RET: variants seen among roughly 807,000 people sequenced by gnomAD.
The protein encoded by RET is proto-oncogene tyrosine-protein kinase receptor Ret.
A neutral mutation model predicts 118.3 loss-of-function variants in RET; 19 were observed. The observed-to-expected ratio is 0.16, with a 90% CI of 0.11 to 0.24. The LOEUF is 0.24. Among genes scored for constraint, RET ranks in the 10% least tolerant of loss-of-function variants. The pLI, the probability that RET is intolerant of heterozygous loss-of-function variation, is 1.00. For synonymous variants in RET, 597 were observed against 644.1 expected (o/e 0.93, Z 1.11); for missense variants, 1,219 against 1,502.1 (o/e 0.81, Z 3.12).
At chr10:43,116,418 G>C (rs529847759) in intron 11 of RET, among the ~76,000 whole-genome samples, 166 bp from the exon 12 acceptor site, 9 of 152,196 alleles carry the variant, frequency 5.9e-5, no homozygotes, top group African/African-American at 2.2e-4. Context: ...GTGGGGTCCT[G>C]CCCAGGGCAG....
At chr10:43,103,637 G>C (rs1837691672) in intron 3 of RET, among the ~76,000 whole-genome samples, 1 of 152,182 alleles carries the variant, frequency 6.6e-6, no homozygotes. Flanking sequence ...TAAAATCTCA[G>C]TAAAGGAAGA....
chr10:43,123,413 C>G (rs763114046), intron 16 of RET, among the ~76,000 whole-genome samples: 1 of 152,178 alleles, frequency 6.6e-6, no homozygotes, highest in Non-Finnish European at 1.5e-5. Flanking sequence ...GTCCCTTGTG[C>G]GTGTGGCTGC....
At chr10:43,122,882 T>G (rs916496863) in intron 16 of RET, among the ~76,000 whole-genome samples, 4 of 152,228 alleles carry the variant, frequency 2.6e-5, no homozygotes, top group African/African-American at 4.8e-5. Flanking sequence ...AGTGCTGGGA[T>G]TACAGGCGAG....
In RET at chr10:43,129,005, CA is replaced by C; in HGVS notation, c.*737del. On this transcript the variant is annotated 3_prime_UTR_variant, in exon 20 of 20. Transcript: ENST00000355710. ...GTATCAGGGAAGAGGGCTCACAAGA[CA>C]CATTTGTCCCCCGGGCCCACCACAT... 1 of 236,250 alleles carries C rather than the reference CA, an allele frequency of 4.2e-6. No individual in the cohort carries two copies. 14.6% of individuals were successfully genotyped at this position (236,250 alleles called of 1,614,324 possible). A position where few individuals can be genotyped will look rare whatever the true frequency, so the allele number is the denominator to read the frequency against.
chr10:43,112,293 C>T, intron 8 of RET, 69 bp downstream of exon 8: 2 of 1,475,964 alleles, frequency 1.4e-6, no homozygotes, highest in Non-Finnish European at 9.0e-7. Context: ...GGTCCTGGGG[C>T]CCTGCCAGCC....
Position 43,128,103 on chromosome 10 carries a change from C to T in RET, c.3188-9C>T, listed in dbSNP as rs551159582. 2.2e-4 allele frequency: 360 copies of T among 1,614,090 alleles called. 4 individuals carry two copies. The South Asian group carries it at 3.6e-3, about 16-fold the overall frequency. ...CAGTGCAGAACAAATGATCTGTTTT[C>T]ATTTTTAGGCATGTCAGACCCGAAC... On this transcript the variant is annotated splice_polypyrimidine_tract_variant and intron_variant, in intron 19 of 19. Coordinates refer to ENST00000355710, the MANE Select transcript of RET (RefSeq NM_020975.6).
intron 15 of RET, among the ~76,000 whole-genome samples, chr10:43,120,449 G>A (rs1838189912): frequency 6.6e-6 from 1 of 152,222 alleles, no homozygotes; most frequent in African/African-American, 2.4e-5. Context: ...ATACTGACCC[G>A]AGGCCCTTGC....
chr10:43,093,216 G>A (rs1837445977), intron 1 of RET, among the ~76,000 whole-genome samples: 1 of 152,132 alleles, frequency 6.6e-6, no homozygotes, highest in African/African-American at 2.4e-5. Context: ...TTAACACAGG[G>A]CTCCACAGAG....
chr10:43,077,331 G>C lies in RET; in HGVS notation c.73G>C (p.Val25Leu). Reference sequence around the variant, plus strand: ...GCTGCTGCTGCCGCTGCTAGGCAAAGGTGAGTTCTGCCGGCCGCCGGCTCC... The same window carrying C: ...GCTGCTGCTGCCGCTGCTAGGCAAACGTGAGTTCTGCCGGCCGCCGGCTCC... Reference protein sequence around the residue: ...LLLLLPLLGKVALGLYFSRDA... With the variant: ...LLLLLPLLGKLALGLYFSRDA... Residue 25 changes from valine (V) to leucine (L), a missense_variant and splice_region_variant, in exon 1 of 20, where the codon GTG (valine) becomes CTG (leucine). Around this residue, in one of 5 missense-constraint regions of RET, gnomAD observed 38 missense variants for 33.1 expected, o/e 1.15. Coordinates refer to ENST00000355710, the MANE Select transcript of RET (RefSeq NM_020975.6). The C allele has an allele frequency of 6.6e-7, 1 of 1,509,676 alleles. No individual in the cohort carries two copies. Among genetic ancestry groups the C allele is most frequent in the Non-Finnish European group, 8.8e-7 (1 of 1,134,502 alleles). The allele number at this position is 1,509,676 out of a possible 1,614,324, so 93.5% of individuals were successfully genotyped here. A position where few individuals can be genotyped will look rare whatever the true frequency, so the allele number is the denominator to read the frequency against.
At chr10:43,115,615 G>A (rs1035211533) in intron 11 of RET, among the ~76,000 whole-genome samples, 3 of 152,240 alleles carry the variant, frequency 2.0e-5, no homozygotes, top group African/African-American at 7.2e-5. Flanking sequence ...GTGGGTTTGT[G>A]TGAGGCTGCC....
chr10:43,101,143 C>G (rs1202945741), intron 2 of RET, among the ~76,000 whole-genome samples: 1 of 152,176 alleles, frequency 6.6e-6, no homozygotes, highest in East Asian at 1.9e-4. Flanking sequence ...AGCTGGCTGC[C>G]CTTGTACCTG....
intron 2 of RET, 156 bp from the exon 3 acceptor site, chr10:43,102,186 A>C: frequency 3.5e-6 from 3 of 849,866 alleles, no homozygotes; most frequent in Non-Finnish European, 5.7e-6. Context: ...AGCAGAGGTA[A>C]GGAGGTGGCA....
intron 18 of RET, among the ~76,000 whole-genome samples, chr10:43,125,840 C>T (rs1838316458): frequency 1.3e-5 from 2 of 152,182 alleles, no homozygotes; most frequent in East Asian, 1.9e-4. Flanking sequence ...ATCACTGTCT[C>T]GCTTGGATGA....
intron 1 of RET, among the ~76,000 whole-genome samples, chr10:43,097,516 A>T (rs550433317): frequency 9.6e-4 from 146 of 152,178 alleles, no homozygotes; most frequent in Non-Finnish European, 1.8e-3. Flanking sequence ...GATAGCCCAG[A>T]CATAGGATGC....
chr10:43,119,685 C>T lies in RET; in HGVS notation c.2547C>T (p.Gly849=), dbSNP rs770674650. The T allele has an allele frequency of 1.1e-5, 18 of 1,613,384 alleles. No individual in the cohort carries two copies. Among genetic ancestry groups the T allele is most frequent in the East Asian group, 4.5e-5 (2 of 44,894 alleles). ...CGGATGAGCGGGCCCTCACCATGGG[C>T]GACCTCATCTCATTTGCCTGGCAGA... ...DHPDERALTM[G]DLISFAWQIS... Residue 849 remains glycine, a synonymous_variant, in exon 14 of 20, where the codon GGC becomes GGT. Coordinates refer to ENST00000355710, the MANE Select transcript of RET (RefSeq NM_020975.6).
chr10:43,094,671 C>A (rs766440347), intron 1 of RET, among the ~76,000 whole-genome samples: 1 of 152,180 alleles, frequency 6.6e-6, no homozygotes, highest in African/African-American at 2.4e-5. Context: ...AGCTGGTGAG[C>A]CCCTGCCTCC....
rs1221096250 is a variant in RET at position 43,105,172 on chromosome 10, G to A, written c.846G>A (p.Val282=). 3 of 1,612,922 alleles carry A rather than the reference G, an allele frequency of 1.9e-6. No individual in the cohort carries two copies. The highest frequency in any genetic ancestry group is 1.7e-4 in the Middle Eastern group (1 of 6,048). ...FPAGVDTASA[V]VEFKRKEDTV... ...CGGGCGTCGACACCGCCAGCGCCGT[G>A]GTGGAGTTCAAGCGGAAGGAGGTGC... The change falls in exon 4 of 20, where the codon GTG becomes GTA. Residue 282 remains valine (V), a synonymous_variant. Transcript: ENST00000355710.
At chr10:43,090,538 G>A (rs1397051137) in intron 1 of RET, among the ~76,000 whole-genome samples, 3 of 152,078 alleles carry the variant, frequency 2.0e-5, no homozygotes, top group Non-Finnish European at 2.9e-5. Flanking sequence ...GGGGGCTCAG[G>A]CACAACCAGG....
rs777349208 is a variant in RET, at chr10:43,118,377, C to G, written c.2289C>G (p.Asn763Lys). 1 of 1,613,394 alleles carries G rather than the reference C, an allele frequency of 6.2e-7. No homozygotes were observed. Among genetic ancestry groups the G allele is most frequent in the South Asian group, 1.1e-5 (1 of 91,030 alleles). ...CTGCTCTGTGCTGCATTTCAGAGAA[C>G]GCCTCCCCGAGTGAGCTGCGAGACC... The part of the protein sequence containing the change: ...TTVAVKMLKE[N>K]ASPSELRDLL... The change falls in exon 13 of 20, where the codon AAC becomes AAG. Residue 763 changes from asparagine to lysine, a missense_variant. Physicochemically the swap from Asn to Lys is moderately conservative, Grantham distance 94 (BLOSUM62 0). Coordinates refer to ENST00000355710, the MANE Select transcript of RET (RefSeq NM_020975.6).
Sources: gnomAD v4.1 joint callset for allele counts (sites outside exome capture counted in the v4.1 genomes callset) on GRCh38, gnomAD v4.1.1 for gene constraint, gnomAD v4.1.1 regional missense constraint, MANE v1.5 for transcripts, NCBI Gene and HGNC (gene_info 2026-07-23, HGNC 2026-07-21) for gene names.